The following DYNC2I2 variants were observed in gnomAD, a reference collection of about 807,000 sequenced individuals.
The protein encoded by DYNC2I2 is dynein 2 intermediate chain 2, also known as cytoplasmic dynein 2 intermediate chain 2.
DYNC2I2 carries 39 observed loss-of-function variants against 52.0 expected under a neutral mutation model. That is an observed-to-expected ratio of 0.75 (90% CI 0.58 to 0.98). The LOEUF is 0.98. Ranked by LOEUF, DYNC2I2 falls within the 50% of genes least tolerant of loss-of-function variation. The probability of loss-of-function intolerance (pLI) is 0.00; values close to 1 mark genes in which losing one functional copy is unlikely to be tolerated. For synonymous variants in DYNC2I2, 359 were observed against 321.1 expected, an observed-to-expected ratio of 1.12 and a Z score of -1.26; for missense variants, 743 against 728.4, an observed-to-expected ratio of 1.02 and a Z score of -0.23.
At chr9:128,646,924 AGACCAACCT>A (rs917111762) in intron 1 of DYNC2I2, among the ~76,000 whole-genome samples, 133 of 152,318 alleles carry the variant, frequency 8.7e-4, no homozygotes, top group African/African-American at 3.0e-3. Flanking sequence ...CAGGAGTTCG[AGACCAACCT>A]GACCAACATG....
chr9:128,672,868 C>CA, the DYNC2I2 span, among the ~76,000 whole-genome samples: 1,842 of 152,114 alleles, frequency 0.012, 10 homozygotes, highest in Middle Eastern at 0.017. Flanking sequence ...ACTAAAAATA[C>CA]AAAAAACTGG....
chr9:128,635,531 G>A (rs953047828), intron 5 of DYNC2I2, 127 bp downstream of exon 5: 27 of 911,878 alleles, frequency 3.0e-5, no homozygotes, highest in Admixed American at 4.5e-5. Flanking sequence ...CTCATGCTGC[G>A]GGAGCTCCGA....
the DYNC2I2 span, among the ~76,000 whole-genome samples, chr9:128,667,961 T>C: frequency 1.2e-3 from 124 of 105,546 alleles, 2 homozygotes; most frequent in African/African-American, 4.5e-3. Context: ...TCGATCTCTT[T>C]TTTTTTTTTT....
chr9:128,680,402 G>A, the DYNC2I2 span, among the ~76,000 whole-genome samples: 1 of 147,664 alleles, frequency 6.8e-6, no homozygotes, highest in Non-Finnish European at 1.5e-5. Flanking sequence ...TTTTGAGACG[G>A]AGTCTTGCTC....
Position 128,636,394 on chromosome 9 carries a change from G to A in DYNC2I2, c.590C>T (p.Ala197Val). 1 of 1,610,610 alleles carries A rather than the reference G, an allele frequency of 6.2e-7. No homozygotes were observed. Among genetic ancestry groups the A allele is most frequent in the Non-Finnish European group, 8.5e-7 (1 of 1,179,040 alleles). ...DWSTLKSFVC[A>V]WNLDRRDLRP... The stretch of plus-strand genomic sequence containing the variant: ...CAGGTCTCGCCGGTCCAGGTTCCAG[G>A]CACACACGAAGGACTTAAGCGTGCT... The change falls in exon 4 of 9, where the codon GCC (alanine) becomes GTC (valine). Residue 197 changes from alanine to valine, a missense_variant. Physicochemically the swap from Ala to Val is moderately conservative, Grantham distance 64. Transcript: ENST00000372715.
chr9:128,656,679 A>G lies in DYNC2I2; in HGVS notation c.48T>C (p.Ala16=). Residue 16 remains alanine (A), a synonymous_variant, in exon 1 of 9, where the codon GCT becomes GCC. Transcript: ENST00000372715. ...CGACTGTCGCCAGCGCCGCAACACC[A>G]GCGCTTCCCGCCTGGCTGAGTGGCC... ...QPGPLSQAGS[A]GVAALATVGV... is the part of the protein sequence containing the mutation. 6.7e-7 allele frequency: 1 copy of G among 1,503,562 alleles called. No homozygotes were observed. Among genetic ancestry groups the G allele is most frequent in the Non-Finnish European group, 8.8e-7 (1 of 1,136,352 alleles). The allele number at this position is 1,503,562 out of a possible 1,614,324, so 93.1% of individuals were successfully genotyped here. A position where few individuals can be genotyped will look rare whatever the true frequency, so the allele number is the denominator to read the frequency against.
chr9:128,683,978 C>T, the DYNC2I2 span: 13 of 1,556,028 alleles, frequency 8.4e-6, no homozygotes, highest in African/African-American at 4.1e-5. Context: ...GAGGAGACAT[C>T]GGCCTCTGCA....
At chr9:128,656,299 T>C (rs953690075) in intron 1 of DYNC2I2, among the ~76,000 whole-genome samples, 6 of 152,100 alleles carry the variant, frequency 3.9e-5, no homozygotes, top group Non-Finnish European at 8.8e-5. Flanking sequence ...CGTGGGATCC[T>C]TGGAGGTGTT....
rs557316386 is a variant in DYNC2I2, at chr9:128,634,664, T to C, written c.1214+25A>G. The C allele has an allele frequency of 8.3e-5, 125 of 1,503,056 alleles. No homozygotes were observed. In the East Asian group the frequency reaches 3.0e-3, roughly 36 times the overall value. 93.1% of individuals were successfully genotyped at this position (1,503,056 alleles called of 1,614,324 possible). On this transcript the variant is annotated intron_variant, in intron 7 of 8. Coordinates refer to ENST00000372715, the MANE Select transcript of DYNC2I2 (RefSeq NM_052844.4). ...CAGGGCAGGGACACCCTGGCCCCAC[T>C]GTGCCCCAGGCCTGCCCTACGTACC...
chr9:128,633,821 G>A lies in DYNC2I2; in HGVS notation c.1534C>T (p.Leu512=). 6.2e-7 allele frequency: 1 copy of A among 1,613,532 alleles called. No individual in the cohort carries two copies. Among genetic ancestry groups the A allele is most frequent in the Non-Finnish European group, 8.5e-7 (1 of 1,180,046 alleles). ...DAQGTVKVWQ[L]STEFTEQGPR... ...CCTTGTTCCGTGAACTCTGTGCTCA[G>A]CTGCCACACCTTCACTGTGCCCTGG... The change falls in exon 9 of 9, where the codon CTG becomes TTG. Residue 512 remains leucine, a synonymous_variant. Coordinates refer to ENST00000372715, the MANE Select transcript of DYNC2I2 (RefSeq NM_052844.4).
chr9:128,664,408 C>T, the DYNC2I2 span, among the ~76,000 whole-genome samples: 1 of 152,060 alleles, frequency 6.6e-6, no homozygotes, highest in African/African-American at 2.4e-5. Flanking sequence ...ATATTAGACA[C>T]TCTATAAGTA....
At chr9:128,672,328 G>A in the DYNC2I2 span, among the ~76,000 whole-genome samples, 1 of 151,722 alleles carries the variant, frequency 6.6e-6, no homozygotes, top group African/African-American at 2.4e-5. Flanking sequence ...TGGTCTGGAT[G>A]TCTTGACCTC....
chr9:128,641,737 C>T (rs147342013), intron 1 of DYNC2I2, among the ~76,000 whole-genome samples: 3 of 152,066 alleles, frequency 2.0e-5, no homozygotes, highest in Non-Finnish European at 2.9e-5. Context: ...ATGCGGGATT[C>T]GAGCTGGGCC....
intron 1 of DYNC2I2, chr9:128,651,853 T>C (rs1487370920): frequency 6.9e-6 from 1 of 143,938 alleles, no homozygotes; most frequent in Non-Finnish European, 1.5e-5. Flanking sequence ...AGGCAGAGGT[T>C]GCAGTGAGCT....
chr9:128,653,356 T>C (rs916137952), intron 1 of DYNC2I2, among the ~76,000 whole-genome samples: 11 of 149,962 alleles, frequency 7.3e-5, no homozygotes, highest in Non-Finnish European at 1.0e-4. Context: ...CTGGCCAACA[T>C]GGTGAAAGGT....
chr9:128,658,372 C>T (rs1016153599), upstream of DYNC2I2, among the ~76,000 whole-genome samples: 2 of 151,886 alleles, frequency 1.3e-5, no homozygotes, highest in African/African-American at 4.8e-5. Flanking sequence ...ACCATGTTGG[C>T]CAAGCTGGTC....
At chr9:128,674,465 C>A in the DYNC2I2 span, among the ~76,000 whole-genome samples, 1 of 147,490 alleles carries the variant, frequency 6.8e-6, no homozygotes, top group Admixed American at 6.8e-5. Flanking sequence ...AAATTTTGGC[C>A]TGGCGTGGTG....
At chr9:128,660,828 C>G (rs117927579), upstream of DYNC2I2, among the ~76,000 whole-genome samples, 1 of 152,074 alleles carries the variant, frequency 6.6e-6, no homozygotes, top group Non-Finnish European at 1.5e-5. Flanking sequence ...CTCTTGAGTT[C>G]AAGTGATTCT....
At chr9:128,667,736 A>AT in the DYNC2I2 span, among the ~76,000 whole-genome samples, 7,007 of 130,538 alleles carry the variant, frequency 0.054, 537 homozygotes, top group African/African-American at 0.18. Flanking sequence ...CGCCCAGCTA[A>AT]TTTTTTTTTT....
Sources: gnomAD v4.1 joint callset for allele counts (sites outside exome capture counted in the v4.1 genomes callset) on GRCh38, gnomAD v4.1.1 for gene constraint, MANE v1.5 for transcripts, NCBI Gene and HGNC (gene_info 2026-07-23, HGNC 2026-07-21) for gene names.